MACROD2: variants seen among roughly 807,000 people sequenced by gnomAD.
MACROD2 encodes mono-ADP ribosylhydrolase 2, also known as ADP-ribose glycohydrolase MACROD2.
MACROD2 carries 36 observed loss-of-function variants against 70.4 expected under a neutral mutation model. The ratio of observed to expected loss-of-function variants is 0.51; its 90% CI spans 0.39 to 0.68. MACROD2 has a LOEUF of 0.68. MACROD2 is among the 30% of genes least tolerant of loss of function. The pLI, the probability that MACROD2 is intolerant of heterozygous loss-of-function variation, is 0.00. For synonymous variants in MACROD2, 172 were observed against 178.8 expected, an observed-to-expected ratio of 0.96 and a Z score of 0.30; for missense variants, 496 against 538.4, an observed-to-expected ratio of 0.92 and a Z score of 0.78.
rs539512254 is a variant in MACROD2 at position 14,674,928 on chromosome 20, C to CA, written c.302-9908dup. On this transcript the variant is annotated intron_variant, in intron 4 of 17. Transcript: ENST00000684519. The stretch of plus-strand genomic sequence containing the variant: ...AGATTAAGTTACCATCTTTTATTTA[C>CA]AAAAAAAGATTAAATAAATATGTGA... 4.0e-3 allele frequency among the ~76,000 whole-genome samples: 615 copies of CA among 152,012 alleles called. 1 individual carries two copies. The highest frequency in any genetic ancestry group is 6.5e-3 in the Non-Finnish European group (445 of 67,952).
At chr20:15,368,843 G>C (rs2045449851) in intron 6 of MACROD2, among the ~76,000 whole-genome samples, 1 of 152,152 alleles carries the variant, frequency 6.6e-6, no homozygotes, top group Admixed American at 6.5e-5. Context: ...AACCTGAGTT[G>C]TTAATACATT....
intron 5 of MACROD2, among the ~76,000 whole-genome samples, chr20:14,848,274 A>G (rs2073163550): frequency 6.6e-6 from 1 of 152,176 alleles, no homozygotes; most frequent in South Asian, 2.1e-4. Context: ...ACTGTCAAAT[A>G]TACTTCTGCA....
intron 6 of MACROD2, among the ~76,000 whole-genome samples, chr20:15,301,802 G>A (rs6043194): frequency 0.23 from 35,426 of 151,536 alleles, 4,402 homozygotes; most frequent in Non-Finnish European, 0.28. Context: ...GGAGAGAAAG[G>A]GCAATAGGCA....
chr20:14,522,644 C>T (rs964420258), intron 4 of MACROD2, among the ~76,000 whole-genome samples: 10 of 152,192 alleles, frequency 6.6e-5, no homozygotes, highest in Admixed American at 2.0e-4. Flanking sequence ...TTAAAACTCT[C>T]CGGTTCTTGT....
At chr20:14,314,464 AAAAC>A (rs1453774854) in intron 3 of MACROD2, among the ~76,000 whole-genome samples, 1 of 152,230 alleles carries the variant, frequency 6.6e-6, no homozygotes, top group African/African-American at 2.4e-5. Flanking sequence ...ATCAAAGACA[AAAAC>A]AAAATTTTTT....
chr20:14,195,479 C>A (rs1044699483), intron 3 of MACROD2, among the ~76,000 whole-genome samples: 10 of 152,240 alleles, frequency 6.6e-5, no homozygotes, highest in African/African-American at 1.9e-4. Flanking sequence ...CCTGTGCCCA[C>A]AGGTCTAGTT....
intron 6 of MACROD2, among the ~76,000 whole-genome samples, chr20:15,230,343 A>C (rs1338402325): frequency 6.6e-6 from 1 of 152,140 alleles, no homozygotes; most frequent in Non-Finnish European, 1.5e-5. Context: ...TCTTTTGGAG[A>C]AAGTAAATAT....
At chr20:14,558,699 A>G (rs1363012376) in intron 4 of MACROD2, among the ~76,000 whole-genome samples, 1 of 151,766 alleles carries the variant, frequency 6.6e-6, no homozygotes, top group African/African-American at 2.4e-5. Context: ...AAAATGAAAC[A>G]TTACATCTAA....
chr20:14,003,689 C>A, intron 2 of MACROD2: 3 of 481,446 alleles, frequency 6.2e-6, no homozygotes, highest in Non-Finnish European at 1.3e-5. Flanking sequence ...CCTAGCCAGT[C>A]CCCACAGTGT....
intron 5 of MACROD2, among the ~76,000 whole-genome samples, chr20:14,857,563 T>C (rs1253795678): frequency 6.6e-6 from 1 of 152,206 alleles, no homozygotes; most frequent in African/African-American, 2.4e-5. Context: ...TTAGCACACA[T>C]GTCCAGATGT....
chr20:15,228,695 G>A lies in MACROD2; in HGVS notation c.419-1245G>A, dbSNP rs150249198. 8.4e-3 allele frequency among the ~76,000 whole-genome samples: 1,277 copies of A among 151,770 alleles called. 19 individuals are homozygous for A. The highest frequency in any genetic ancestry group is 0.029 in the African/African-American group (1,187 of 41,366). On this transcript the variant is annotated intron_variant, in intron 5 of 17. Coordinates refer to ENST00000684519, the MANE Select transcript of MACROD2 (RefSeq NM_001351661.2). ...AGTAGAGATGGGATTTCATCATGTT[G>A]GCCAGGATGGTCTCGATTTCCTAAC... is the stretch of plus-strand genomic sequence containing the variant.
At chr20:16,037,112 C>T (rs2067246850) in intron 15 of MACROD2, among the ~76,000 whole-genome samples, 1 of 151,932 alleles carries the variant, frequency 6.6e-6, no homozygotes, top group Non-Finnish European at 1.5e-5. Flanking sequence ...TGTGGCACAA[C>T]CTGAGATTTC....
intron 6 of MACROD2, among the ~76,000 whole-genome samples, chr20:15,356,510 T>C (rs1358662965): frequency 6.6e-6 from 1 of 152,130 alleles, no homozygotes; most frequent in East Asian, 1.9e-4. Flanking sequence ...TAGCCAGGTG[T>C]GATGGCTCAT....
At chr20:14,745,857 T>C (rs1368853772) in intron 5 of MACROD2, among the ~76,000 whole-genome samples, 1 of 152,076 alleles carries the variant, frequency 6.6e-6, no homozygotes, top group Non-Finnish European at 1.5e-5. Context: ...TAAAGATCCA[T>C]TTGCTTCTGA....
At chr20:14,047,603 A>G (rs906319334) in intron 2 of MACROD2, among the ~76,000 whole-genome samples, 1 of 152,104 alleles carries the variant, frequency 6.6e-6, no homozygotes, top group African/African-American at 2.4e-5. Context: ...ATTAAATAAT[A>G]TCTTGTACTC....
intron 6 of MACROD2, among the ~76,000 whole-genome samples, chr20:15,363,147 C>G (rs1197455351): frequency 1.3e-5 from 2 of 152,192 alleles, no homozygotes; most frequent in African/African-American, 4.8e-5. Context: ...CTCCCACTTC[C>G]TTTTTCTTTG....
rs138117105 is a variant in MACROD2 at position 15,484,089 on chromosome 20, T to G, written c.572-15685T>G. Among the ~76,000 whole-genome samples, 403 of 151,996 alleles carry G rather than the reference T, an allele frequency of 2.7e-3. 2 individuals carry two copies. The highest frequency in any genetic ancestry group is 9.3e-3 in the African/African-American group (386 of 41,494). ...TTTATTTTATTTTATTTTATTTTTC[T>G]TGTCTTGCTGCTTTATCTAGGACCT... On this transcript the variant is annotated intron_variant, in intron 7 of 17. Transcript: ENST00000684519.
intron 10 of MACROD2, among the ~76,000 whole-genome samples, chr20:15,886,269 G>T (rs1423482977): frequency 3.3e-5 from 5 of 152,162 alleles, no homozygotes; most frequent in Non-Finnish European, 1.5e-5. Context: ...TAAAATCTTA[G>T]CTGGGACAAC....
At chr20:14,510,833 T>C (rs2085021694) in intron 4 of MACROD2, among the ~76,000 whole-genome samples, 1 of 152,154 alleles carries the variant, frequency 6.6e-6, no homozygotes, top group Non-Finnish European at 1.5e-5. Context: ...TCTTCATGTG[T>C]TATTTTTAAA....
Sources: allele counts gnomAD v4.1 joint callset (sites outside exome capture counted in the v4.1 genomes callset), GRCh38; gene constraint gnomAD v4.1.1; transcripts MANE v1.5; gene names NCBI Gene and HGNC (gene_info 2026-07-23, HGNC 2026-07-21).